CALCR: variants seen among roughly 807,000 people sequenced by gnomAD.
The protein encoded by CALCR is calcitonin receptor.
In CALCR, 47 loss-of-function variants were observed where a neutral mutation model predicts 59.5. That is an observed-to-expected ratio of 0.79 (90% CI 0.63 to 1.01). CALCR has a LOEUF of 1.01. CALCR is among the 50% of genes least tolerant of loss of function. The probability of loss-of-function intolerance (pLI) is 0.00; values close to 1 mark genes in which losing one functional copy is unlikely to be tolerated. For synonymous variants in CALCR, 213 were observed against 211.3 expected (o/e 1.01, Z -0.07); for missense variants, 566 against 597.1 (o/e 0.95, Z 0.54).
rs1203569762 is a variant in CALCR, at chr7:93,528,049, A to AT, written c.-26-41043dup. 9.2e-5 allele frequency among the ~76,000 whole-genome samples: 14 copies of AT among 152,210 alleles called. No homozygotes were observed. In the East Asian group the frequency reaches 1.7e-3, roughly 19 times the overall value. On this transcript the variant is annotated intron_variant, in intron 2 of 13. Coordinates refer to ENST00000426151, the MANE Select transcript of CALCR (RefSeq NM_001742.4). The stretch of plus-strand genomic sequence containing the variant: ...TTATCTACAGCTCTGAAATATTTGT[A>AT]TTTTTTCCTCAGAGTCTAAAACTGC...
chr7:93,442,586 T>A (rs1299850914), intron 9 of CALCR, among the ~76,000 whole-genome samples: 3 of 152,188 alleles, frequency 2.0e-5, no homozygotes, highest in Non-Finnish European at 2.9e-5. Context: ...GTGATGTTTT[T>A]AAAAAATCCC....
intron 2 of CALCR, among the ~76,000 whole-genome samples, chr7:93,528,073 G>T (rs1189792229): frequency 6.6e-6 from 1 of 152,084 alleles, no homozygotes; most frequent in Non-Finnish European, 1.5e-5. Context: ...GTCTAAAACT[G>T]CTCAGAAAAT....
intron 2 of CALCR, among the ~76,000 whole-genome samples, chr7:93,505,606 T>C (rs1256090054): frequency 6.6e-6 from 1 of 152,146 alleles, no homozygotes; most frequent in South Asian, 2.1e-4. Flanking sequence ...TCTCCTTCCT[T>C]CAGGGAACTT....
At chr7:93,564,155 T>C (rs1789807768) in intron 2 of CALCR, among the ~76,000 whole-genome samples, 1 of 152,160 alleles carries the variant, frequency 6.6e-6, no homozygotes. Flanking sequence ...CACTTGTCTC[T>C]GTTTAGATTA....
intron 9 of CALCR, 98 bp downstream of exon 9, chr7:93,443,506 G>T (rs1799951198): frequency 8.6e-7 from 1 of 1,157,594 alleles, no homozygotes; most frequent in Non-Finnish European, 1.2e-6. Flanking sequence ...AAGGACCTGG[G>T]ACTTGACTCT....
intron 2 of CALCR, among the ~76,000 whole-genome samples, chr7:93,521,224 G>A (rs1466136405): frequency 1.3e-5 from 2 of 152,102 alleles, no homozygotes; most frequent in Non-Finnish European, 2.9e-5. Context: ...TAAGGCTAAA[G>A]TTGGGGCCAG....
chr7:93,476,627 CTATT>C (rs1800672287), intron 5 of CALCR, among the ~76,000 whole-genome samples: 1 of 151,798 alleles, frequency 6.6e-6, no homozygotes, highest in African/African-American at 2.4e-5. Context: ...CTTGTAGTCA[CTATT>C]TATATCCACT....
chr7:93,567,171 G>A (rs1384747594), intron 2 of CALCR, among the ~76,000 whole-genome samples: 1 of 152,234 alleles, frequency 6.6e-6, no homozygotes, highest in Non-Finnish European at 1.5e-5. Context: ...AAGAATGGAT[G>A]TTAAGAATAT....
chr7:93,457,015 T>G (rs2115787860), intron 8 of CALCR, among the ~76,000 whole-genome samples: 1 of 152,224 alleles, frequency 6.6e-6, no homozygotes, highest in Admixed American at 6.6e-5. Flanking sequence ...GGCATATGTG[T>G]TTTGACTTAG....
At chr7:93,499,559 T>C (rs1801278981) in intron 2 of CALCR, among the ~76,000 whole-genome samples, 2 of 151,874 alleles carry the variant, frequency 1.3e-5, no homozygotes, top group Non-Finnish European at 2.9e-5. Context: ...GTCTCTTGAT[T>C]AGCAGAAAAA....
At chr7:93,504,948 C>T (rs754400212) in intron 2 of CALCR, among the ~76,000 whole-genome samples, 1 of 152,074 alleles carries the variant, frequency 6.6e-6, no homozygotes, top group African/African-American at 2.4e-5. Context: ...TCTGAAGATG[C>T]TGCTGCAAAA....
chr7:93,464,500 G>GA (rs1275356541), intron 7 of CALCR, among the ~76,000 whole-genome samples: 2 of 151,720 alleles, frequency 1.3e-5, no homozygotes, highest in Non-Finnish European at 2.9e-5. Flanking sequence ...CATGAGAACT[G>GA]AAAAAAAGAG....
chr7:93,469,664 G>A (rs1034614542), intron 6 of CALCR, among the ~76,000 whole-genome samples: 1 of 151,498 alleles, frequency 6.6e-6, no homozygotes, highest in Non-Finnish European at 1.5e-5. Flanking sequence ...TGTAATTGAA[G>A]TAGACTTGAA....
intron 13 of CALCR, among the ~76,000 whole-genome samples, chr7:93,429,291 A>T (rs1466005582): frequency 6.6e-6 from 1 of 152,194 alleles, no homozygotes; most frequent in Non-Finnish European, 1.5e-5. Flanking sequence ...TGACAAGAAT[A>T]AGGGCATTTA....
At chr7:93,500,623 A>G (rs1205047789) in intron 2 of CALCR, among the ~76,000 whole-genome samples, 2 of 152,030 alleles carry the variant, frequency 1.3e-5, no homozygotes, top group Admixed American at 6.6e-5. Context: ...GAGGTGGGGT[A>G]GAATGAAGCA....
chr7:93,438,901 TAA>T, intron 9 of CALCR, among the ~76,000 whole-genome samples: 1 of 140,230 alleles, frequency 7.1e-6, no homozygotes, highest in African/African-American at 2.6e-5. Context: ...AAAGTGCTAG[TAA>T]AAAAAAAAAA....
At chr7:93,465,367 T>C (rs1408486580) in intron 7 of CALCR, among the ~76,000 whole-genome samples, 1 of 151,996 alleles carries the variant, frequency 6.6e-6, no homozygotes, top group Non-Finnish European at 1.5e-5. Flanking sequence ...TTAGCTCTCT[T>C]GTTGACACTT....
chr7:93,540,064 A>G (rs1207948581), intron 2 of CALCR, among the ~76,000 whole-genome samples: 1 of 152,220 alleles, frequency 6.6e-6, no homozygotes, highest in African/African-American at 2.4e-5. Flanking sequence ...AGCTGCTTTC[A>G]GATTCTGTTC....
At chr7:93,542,429 G>T (rs1211081723) in intron 2 of CALCR, among the ~76,000 whole-genome samples, 1 of 152,128 alleles carries the variant, frequency 6.6e-6, no homozygotes, top group African/African-American at 2.4e-5. Context: ...TATAAATGGA[G>T]CTTACAGGAC....
Sources: gnomAD v4.1 joint callset for allele counts (sites outside exome capture counted in the v4.1 genomes callset) on GRCh38, gnomAD v4.1.1 for gene constraint, MANE v1.5 for transcripts, NCBI Gene and HGNC (gene_info 2026-07-23, HGNC 2026-07-21) for gene names.